The following TRPC7 variants were observed in gnomAD, a reference collection of about 807,000 sequenced individuals.
TRPC7 encodes the protein short transient receptor potential channel 7.
In TRPC7, 42 loss-of-function variants were observed where a neutral mutation model predicts 90.1. That is an observed-to-expected ratio of 0.47 (90% CI 0.36 to 0.60). The LOEUF (loss-of-function observed/expected upper bound fraction) is 0.60, where lower values mean the gene tolerates loss of function less well. Ranked by LOEUF, TRPC7 falls within the 20% of genes least tolerant of loss-of-function variation. The pLI is 0.00. For synonymous variants in TRPC7, 451 were observed against 436.3 expected (o/e 1.03, Z -0.42); for missense variants, 955 against 1,112.3 (o/e 0.86, Z 2.01).
chr5:136,335,901 C>G (rs1211258397), intron 2 of TRPC7, among the ~76,000 whole-genome samples: 1 of 69,766 alleles, frequency 1.4e-5, no homozygotes, highest in Non-Finnish European at 2.4e-5. Context: ...GAGACTCCGT[C>G]TCAAAAAAAA....
intron 10 of TRPC7, among the ~76,000 whole-genome samples, chr5:136,218,165 TAATA>T (rs1051758053): frequency 6.3e-4 from 92 of 145,930 alleles, no homozygotes; most frequent in Middle Eastern, 3.6e-3. Flanking sequence ...ATAAAATATA[TAATA>T]TATATCTCAA....
Position 136,251,640 on chromosome 5 carries a change from C to T in TRPC7, c.1579+9G>A, listed in dbSNP as rs1221029519. The T allele has an allele frequency of 1.3e-6, 2 of 1,589,050 alleles. No individual in the cohort carries two copies. The highest frequency in any genetic ancestry group is 1.1e-5 in the South Asian group (1 of 88,912). On this transcript the variant is annotated intron_variant, in intron 6 of 11. Transcript: ENST00000513104. Reference sequence around the variant, plus strand: ...CAAAATGGAGTAGGGGAAGCACTCTCCGACTCACCGTAGGTGAAGTATGCC... The same window carrying T: ...CAAAATGGAGTAGGGGAAGCACTCTTCGACTCACCGTAGGTGAAGTATGCC...
At chr5:136,345,687 G>A (rs1759984866) in intron 2 of TRPC7, among the ~76,000 whole-genome samples, 1 of 152,190 alleles carries the variant, frequency 6.6e-6, no homozygotes, top group South Asian at 2.1e-4. Flanking sequence ...TTGCTGTGCT[G>A]AAGCTCTTTA....
At chr5:136,288,033 C>T (rs990548906) in intron 3 of TRPC7, among the ~76,000 whole-genome samples, 2 of 152,266 alleles carry the variant, frequency 1.3e-5, no homozygotes, top group Admixed American at 6.5e-5. Flanking sequence ...ATGTGCCAGA[C>T]ATTGTTCTAA....
intron 2 of TRPC7, among the ~76,000 whole-genome samples, chr5:136,317,415 G>C (rs1413398837): frequency 1.3e-5 from 2 of 152,146 alleles, no homozygotes; most frequent in Admixed American, 6.5e-5. Flanking sequence ...GAAGAGGAGG[G>C]GCTTGAGTTC....
At chr5:136,269,106 A>G (rs570238767) in intron 4 of TRPC7, among the ~76,000 whole-genome samples, 8 of 152,314 alleles carry the variant, frequency 5.3e-5, no homozygotes, top group Middle Eastern at 3.4e-3. Context: ...CGTTAGGTGT[A>G]AAAAGAGATG....
chr5:136,305,854 A>G (rs1758604001), intron 3 of TRPC7, among the ~76,000 whole-genome samples: 1 of 152,188 alleles, frequency 6.6e-6, no homozygotes, highest in South Asian at 2.1e-4. Context: ...CACCTCACCA[A>G]GCACAGCCAC....
At chr5:136,233,753 T>C (rs1026610611) in intron 7 of TRPC7, among the ~76,000 whole-genome samples, 17 of 152,210 alleles carry the variant, frequency 1.1e-4, no homozygotes, top group African/African-American at 4.1e-4. Context: ...CCAGAAACCT[T>C]TGGCTGACAC....
At chr5:136,322,016 A>G (rs2149841973) in intron 2 of TRPC7, among the ~76,000 whole-genome samples, 1 of 151,678 alleles carries the variant, frequency 6.6e-6, no homozygotes, top group South Asian at 2.1e-4. Context: ...ATTCCTGTAC[A>G]AGATTTTTTT....
chr5:136,253,201 G>T (rs1756581268), intron 5 of TRPC7, among the ~76,000 whole-genome samples: 1 of 152,104 alleles, frequency 6.6e-6, no homozygotes, highest in African/African-American at 2.4e-5. Context: ...TTTATAATAT[G>T]GCTTTTAGAA....
intron 3 of TRPC7, among the ~76,000 whole-genome samples, chr5:136,287,850 C>A (rs2149822455): frequency 6.6e-6 from 1 of 152,046 alleles, no homozygotes; most frequent in African/African-American, 2.4e-5. Flanking sequence ...AGACCAAGAG[C>A]CCTCCTTTAG....
At chr5:136,317,415 G>A (rs1413398837) in intron 2 of TRPC7, among the ~76,000 whole-genome samples, 1 of 152,146 alleles carries the variant, frequency 6.6e-6, no homozygotes, top group Non-Finnish European at 1.5e-5. Context: ...GAAGAGGAGG[G>A]GCTTGAGTTC....
chr5:136,249,883 T>C (rs1756464499), intron 6 of TRPC7, among the ~76,000 whole-genome samples: 1 of 152,194 alleles, frequency 6.6e-6, no homozygotes, highest in Non-Finnish European at 1.5e-5. Flanking sequence ...GCCCTGTAAC[T>C]GGAGCACAAG....
intron 4 of TRPC7, among the ~76,000 whole-genome samples, chr5:136,268,142 G>A (rs1055115043): frequency 1.3e-5 from 2 of 152,136 alleles, no homozygotes; most frequent in Non-Finnish European, 2.9e-5. Context: ...TGAAGTTTTT[G>A]ACATTTTAGC....
intron 7 of TRPC7, among the ~76,000 whole-genome samples, chr5:136,244,659 T>C (rs2149802725): frequency 6.6e-6 from 1 of 152,360 alleles, no homozygotes; most frequent in East Asian, 1.9e-4. Context: ...CCTTCGTTTA[T>C]CGGCTGACAT....
rs1755631327 is a variant in TRPC7 at position 136,226,343 on chromosome 5, C to A, written c.2041-88G>T. 15 of 948,874 alleles carry A rather than the reference C, an allele frequency of 1.6e-5. No individual in the cohort carries two copies. In the South Asian group the frequency reaches 2.4e-4, roughly 15 times the overall value. 58.8% of individuals were successfully genotyped at this position (948,874 alleles called of 1,614,324 possible). A position where few individuals can be genotyped will look rare whatever the true frequency, so the allele number is the denominator to read the frequency against. ...CTGAGGAGCAGAGACACAGCCCCAA[C>A]ATTCGGAAAGCAGACTTCTAAGCAG... On this transcript the variant is annotated intron_variant, in intron 8 of 11. Transcript: ENST00000513104.
chr5:136,259,729 G>A (rs190755781), intron 5 of TRPC7, among the ~76,000 whole-genome samples: 5 of 152,344 alleles, frequency 3.3e-5, no homozygotes, highest in Admixed American at 2.6e-4. Context: ...GTGGATGTTA[G>A]AGATTCTCCA....
At chr5:136,283,107 C>T (rs1185367444) in intron 3 of TRPC7, among the ~76,000 whole-genome samples, 2 of 152,242 alleles carry the variant, frequency 1.3e-5, no homozygotes, top group African/African-American at 2.4e-5. Context: ...GTTGCTGGGA[C>T]ACATGCTGTG....
At chr5:136,307,388 G>A (rs1758672925) in intron 3 of TRPC7, among the ~76,000 whole-genome samples, 2 of 151,962 alleles carry the variant, frequency 1.3e-5, no homozygotes, top group South Asian at 4.1e-4. Context: ...AGATCATGTG[G>A]TATTTGTCTT....
Sources: allele counts gnomAD v4.1 joint callset (sites outside exome capture counted in the v4.1 genomes callset), GRCh38; gene constraint gnomAD v4.1.1; transcripts MANE v1.5; gene names NCBI Gene and HGNC (gene_info 2026-07-23, HGNC 2026-07-21).